Variants in CALCA observed in about 807,000 individuals in gnomAD.
CALCA encodes the protein calcitonin related polypeptide alpha, also known as calcitonin.
In CALCA, 4 loss-of-function variants were observed where a neutral mutation model predicts 6.9. That is an observed-to-expected ratio of 0.58 (90% CI 0.29 to 1.33). CALCA has a LOEUF of 1.33. Ranked by LOEUF, CALCA falls within the 40% of genes most tolerant of loss-of-function variation. CALCA has a pLI of 0.09. For missense variants in CALCA, 174 were observed against 178.3 expected, an observed-to-expected ratio of 0.98 and a Z score of 0.14; for synonymous variants, 78 against 70.0, an observed-to-expected ratio of 1.11 and a Z score of -0.57.
chr11:14,968,298 G>A (rs1004647350), downstream of CALCA: 216 of 365,650 alleles, frequency 5.9e-4, 4 homozygotes, highest in Admixed American at 1.2e-3. Context: ...CCTGGAAGAG[G>A]AGCGGAGTTT....
At chr11:14,969,055 G>A (rs1849527555) in intron 3 of CALCA, 58 bp from the exon 4 acceptor site, 2 of 1,542,250 alleles carry the variant, frequency 1.3e-6, no homozygotes, top group Admixed American at 1.7e-5. Flanking sequence ...CCCATGGGCA[G>A]TCACTTAGAA....
Position 14,968,747 on chromosome 11 carries a change from T to A in CALCA, c.*52A>T. The A allele has an allele frequency of 1.2e-6, 2 of 1,613,498 alleles. No individual in the cohort carries two copies. Among genetic ancestry groups the A allele is most frequent in the Non-Finnish European group, 1.7e-6 (2 of 1,179,826 alleles). The stretch of plus-strand genomic sequence containing the variant: ...CCAGAGAGGAACCAAACCACATGCA[T>A]CAAGTTATAGGAAGGATGCAAGAAG... On this transcript the variant is annotated 3_prime_UTR_variant, in exon 4 of 4. Transcript: ENST00000331587.
At chr11:14,971,981 A>T (rs1555026592) in intron 1 of CALCA, among the ~76,000 whole-genome samples, 1 of 152,100 alleles carries the variant, frequency 6.6e-6, no homozygotes, top group Admixed American at 6.5e-5. Context: ...GGGGAGCCTG[A>T]GTGTCCCGAG....
chr11:14,969,942 CCT>C lies in CALCA; in HGVS notation c.218_219del (p.Glu73GlyfsTer10), dbSNP rs781856512. On this transcript the variant is annotated frameshift_variant, in exon 3 of 4. Transcript: ENST00000331587. LOFTEE classifies it low-confidence loss of function (END_TRUNC). The stretch of plus-strand genomic sequence containing the variant: ...GCGCTTGGGGAGCCTCACCTGGAGC[CCT>C]CTCTCTCTTGCTCCTGCTCCAGCTC... ...ASELEQEQER[E>X]GSSLDSPRSK... 2.5e-6 allele frequency: 4 copies of C among 1,612,856 alleles called. No individual in the cohort carries two copies. The highest frequency in any genetic ancestry group is 4.5e-5 in the East Asian group (2 of 44,880).
intron 1 of CALCA, among the ~76,000 whole-genome samples, chr11:14,971,887 T>A (rs1849615000): frequency 6.6e-6 from 1 of 152,170 alleles, no homozygotes; most frequent in African/African-American, 2.4e-5. Context: ...CCAATTTCCC[T>A]GGGACTGCTG....
intron 3 of CALCA, 87 bp downstream of exon 3, chr11:14,969,848 T>C: frequency 6.3e-7 from 1 of 1,595,756 alleles, no homozygotes; most frequent in Non-Finnish European, 8.6e-7. Context: ...TCCTGGCCAG[T>C]GTGTTCTCTC....
At chr11:14,971,910 C>T (rs5237) in intron 1 of CALCA, among the ~76,000 whole-genome samples, 4,243 of 152,248 alleles carry the variant, frequency 0.028, 205 homozygotes, top group African/African-American at 0.096. Context: ...CTCCAGACGC[C>T]GTCCCTGATC....
At chr11:14,966,738 A>G (rs1211064630), downstream of CALCA, 3 of 152,600 alleles carry the variant, frequency 2.0e-5, no homozygotes, top group African/African-American at 7.2e-5. Context: ...ATTTCTTTAA[A>G]CAAATACTTC....
downstream of CALCA, chr11:14,968,424 G>A: frequency 8.4e-7 from 1 of 1,188,792 alleles, no homozygotes; most frequent in East Asian, 5.7e-5. Flanking sequence ...TAGGGTTAAG[G>A]CTATTTCTAA....
chr11:14,971,970 T>C (rs532168319), intron 1 of CALCA, among the ~76,000 whole-genome samples: 41 of 152,282 alleles, frequency 2.7e-4, no homozygotes, highest in Non-Finnish European at 4.9e-4. Flanking sequence ...GCGCGGTCCC[T>C]GGGGAGCCTG....
At chr11:14,971,299 C>T (rs984923658) in intron 1 of CALCA, 98 bp from the exon 2 acceptor site, 30 of 819,014 alleles carry the variant, frequency 3.7e-5, no homozygotes, top group South Asian at 2.5e-4. Flanking sequence ...TTGCTTCTAA[C>T]GCTCTGGCTT....
chr11:14,968,360 C>G (rs34901084), downstream of CALCA: 15,542 of 897,232 alleles, frequency 0.017, 712 homozygotes, highest in African/African-American at 0.15. Flanking sequence ...CCCTGTTCTT[C>G]CTGCTTGAGC....
In CALCA at chr11:14,970,088, A is replaced by G. The variant is rs1849564642; in HGVS notation, c.87-13T>C. ...CTCCAGGGCAGACCTGTGGAGGGGAAGCAAACTCAGTGCAGGCTGTGAGCC... is the reference window on the plus strand; with the variant it reads ...CTCCAGGGCAGACCTGTGGAGGGGAGGCAAACTCAGTGCAGGCTGTGAGCC... On this transcript the variant is annotated splice_polypyrimidine_tract_variant and intron_variant, in intron 2 of 3. Transcript: ENST00000331587. The G allele has an allele frequency of 1.9e-6, 3 of 1,614,100 alleles. No homozygotes were observed. The South Asian group carries it at 3.3e-5, about 18-fold the overall frequency.
intron 3 of CALCA, 52 bp from the exon 4 acceptor site, chr11:14,969,049 T>G: frequency 6.4e-7 from 1 of 1,561,030 alleles, no homozygotes; most frequent in Non-Finnish European, 8.8e-7. Context: ...TCTGTCCCCA[T>G]GGGCAGTCAC....
At position 14,968,810 on chromosome 11, in the gene CALCA, T is replaced by C; in HGVS notation, c.415A>G (p.Asn139Asp). ...DHRPHVSMPQ[N>D]AN ...GGAAAGGGAGGAGTTTAGTTGGCAT[T>C]CTGGGGCATGCTAACATGAGGGCGA... is the stretch of plus-strand genomic sequence containing the variant. The change falls in exon 4 of 4, where the codon AAT (asparagine) becomes GAT (aspartate). Residue 139 changes from asparagine to aspartate, a missense_variant. Physicochemically the swap from Asn to Asp is conservative, Grantham distance 23. Coordinates refer to ENST00000331587, the MANE Select transcript of CALCA (RefSeq NM_001741.3). The C allele has an allele frequency of 6.2e-7, 1 of 1,614,116 alleles. No individual in the cohort carries two copies. The highest frequency in any genetic ancestry group is 8.5e-7 in the Non-Finnish European group (1 of 1,180,016).
At position 14,970,773 on chromosome 11, in the gene CALCA, G is replaced by A. The variant is rs572772911; in HGVS notation, c.86+334C>T. On this transcript the variant is annotated intron_variant, in intron 2 of 3. Transcript: ENST00000331587. Reference sequence around the variant, plus strand: ...AAATTAGCCGGGCATGGTGGTGGGCGCCTGTAATCCCGGCTACTTGGGAGG... The same window carrying A: ...AAATTAGCCGGGCATGGTGGTGGGCACCTGTAATCCCGGCTACTTGGGAGG... Among the ~76,000 whole-genome samples the A allele has an allele frequency of 1.4e-3, 219 of 152,168 alleles. 9 individuals carry two copies. The South Asian group carries it at 0.042, about 29-fold the overall frequency.
Position 14,971,017 on chromosome 11 carries a change from C to A in CALCA, c.86+90G>T, listed in dbSNP as rs1484438528. 9 of 1,030,190 alleles carry A rather than the reference C, an allele frequency of 8.7e-6. No individual in the cohort carries two copies. The African/African-American group carries it at 9.4e-5, about 11-fold the overall frequency. 63.8% of individuals were successfully genotyped at this position (1,030,190 alleles called of 1,614,324 possible). A position where few individuals can be genotyped will look rare whatever the true frequency, so the allele number is the denominator to read the frequency against. ...CATGAGTACATACCTTACCCCGGCC[C>A]CCTGTCGGTTTTTAAGCATTCAGTA... On this transcript the variant is annotated intron_variant, in intron 2 of 3. Coordinates refer to ENST00000331587, the MANE Select transcript of CALCA (RefSeq NM_001741.3).
chr11:14,968,556 G>T lies in CALCA; in HGVS notation c.*243C>A. The T allele has an allele frequency of 7.1e-7, 1 of 1,411,214 alleles. No homozygotes were observed. The highest frequency in any genetic ancestry group is 9.2e-7 in the Non-Finnish European group (1 of 1,083,640). The allele number at this position is 1,411,214 out of a possible 1,614,324, so 87.4% of individuals were successfully genotyped here. On this transcript the variant is annotated 3_prime_UTR_variant, in exon 4 of 4. Coordinates refer to ENST00000331587, the MANE Select transcript of CALCA (RefSeq NM_001741.3). ...GATCAGCACATTCAGAAGCAGGACA[G>T]AGGAGCTCTGATGACATCTCTGGGG...
In CALCA at chr11:14,969,953, TG is replaced by T; in HGVS notation, c.208del (p.Gln70LysfsTer19). On this transcript the variant is annotated frameshift_variant, in exon 3 of 4. Transcript: ENST00000331587. LOFTEE classifies it low-confidence loss of function (END_TRUNC). ...QMKASELEQE[Q>X]EREGSSLDSP... is the part of the protein sequence containing the mutation. ...GCCTCACCTGGAGCCCTCTCTCTCT[TG>T]CTCCTGCTCCAGCTCACTGGCCTTC... 6.2e-7 allele frequency: 1 copy of T among 1,613,318 alleles called. No individual in the cohort carries two copies.
Sources: allele counts gnomAD v4.1 joint callset (sites outside exome capture counted in the v4.1 genomes callset), GRCh38; gene constraint gnomAD v4.1.1; transcripts MANE v1.5; gene names NCBI Gene and HGNC (gene_info 2026-07-23, HGNC 2026-07-21).